The following RYR3 variants were observed in gnomAD, a reference collection of about 807,000 sequenced individuals.
RYR3 encodes ryanodine receptor 3, also known as brain ryanodine receptor-calcium release channel.
RYR3 carries 207 observed loss-of-function variants against 584.3 expected under a neutral mutation model. The ratio of observed to expected loss-of-function variants is 0.35; its 90% confidence interval spans 0.32 to 0.40. The LOEUF is 0.40. Ranked by LOEUF, RYR3 falls within the 10% of genes least tolerant of loss-of-function variation. The pLI is 1.00. For synonymous variants in RYR3, 2,416 were observed against 2,248.5 expected, an observed-to-expected ratio of 1.07 and a Z score of -2.11; for missense variants, 5,616 against 6,089.2, an observed-to-expected ratio of 0.92 and a Z score of 2.59.
chr15:33,397,400 A>G (rs973160122), intron 1 of RYR3, among the ~76,000 whole-genome samples: 1 of 152,234 alleles, frequency 6.6e-6, no homozygotes, highest in African/African-American at 2.4e-5. Context: ...TAACATTTCA[A>G]TGTCTTACAA....
In RYR3 at chr15:33,671,246, T is replaced by C. The variant is rs114219708; in HGVS notation, c.5860+690T>C. Among the ~76,000 whole-genome samples the C allele has an allele frequency of 9.9e-3, 1,506 of 152,306 alleles. 10 individuals carry two copies. Among genetic ancestry groups the C allele is most frequent in the Middle Eastern group, 0.054 (16 of 294 alleles). ...GGAAGATTGTCTTGTCTGAGTATTA[T>C]ATATAATCAGTCTACTCCTTGGTAC... is the stretch of plus-strand genomic sequence containing the variant. On this transcript the variant is annotated intron_variant, in intron 38 of 103. Coordinates refer to ENST00000634891, the MANE Select transcript of RYR3 (RefSeq NM_001036.6).
intron 60 of RYR3, among the ~76,000 whole-genome samples, chr15:33,763,649 T>C (rs1470023700): frequency 6.6e-6 from 1 of 151,970 alleles, no homozygotes; most frequent in East Asian, 1.9e-4. Context: ...ACCCAGCACT[T>C]TGGGGAGCCC....
chr15:33,396,500 A>G (rs1595962562), intron 1 of RYR3, among the ~76,000 whole-genome samples: 1 of 152,288 alleles, frequency 6.6e-6, no homozygotes, highest in South Asian at 2.1e-4. Context: ...TAATCTTCTC[A>G]ACTTTTCTGT....
At chr15:33,489,228 T>C (rs1316745625) in intron 2 of RYR3, among the ~76,000 whole-genome samples, 1 of 152,198 alleles carries the variant, frequency 6.6e-6, no homozygotes, top group African/African-American at 2.4e-5. Context: ...AACTTTTAAG[T>C]TCAGGGGTAC....
intron 38 of RYR3, among the ~76,000 whole-genome samples, chr15:33,692,752 G>A (rs1198994290): frequency 6.6e-6 from 1 of 152,036 alleles, no homozygotes; most frequent in Non-Finnish European, 1.5e-5. Flanking sequence ...ATGCTTTGAG[G>A]CTAAAAGGGT....
At chr15:33,558,329 G>A (rs1338832612) in intron 10 of RYR3, among the ~76,000 whole-genome samples, 1 of 147,580 alleles carries the variant, frequency 6.8e-6, no homozygotes, top group Non-Finnish European at 1.5e-5. Context: ...TCCCACCTAT[G>A]AGTGAGAACA....
intron 1 of RYR3, among the ~76,000 whole-genome samples, chr15:33,380,854 A>C (rs1355693688): frequency 6.6e-6 from 1 of 152,230 alleles, no homozygotes. Context: ...GATTTTGGTC[A>C]GTATCATGGC....
At chr15:33,828,617 A>C (rs1022414828) in intron 85 of RYR3, among the ~76,000 whole-genome samples, 4 of 152,216 alleles carry the variant, frequency 2.6e-5, no homozygotes, top group African/African-American at 9.6e-5. Flanking sequence ...CATAAGCCAC[A>C]ATCTAATCTA....
intron 3 of RYR3, among the ~76,000 whole-genome samples, chr15:33,524,673 C>CT (rs151031104): frequency 5.9e-5 from 9 of 151,996 alleles, no homozygotes; most frequent in Admixed American, 1.3e-4. Flanking sequence ...TAGCATTAAG[C>CT]TTTTTTTTCC....
At chr15:33,406,087 T>C (rs1166559887) in intron 1 of RYR3, among the ~76,000 whole-genome samples, 3 of 152,296 alleles carry the variant, frequency 2.0e-5, no homozygotes, top group South Asian at 2.1e-4. Context: ...CCAGTCTGAG[T>C]TACCTGCTAA....
At position 33,854,451 on chromosome 15, in the gene RYR3, T is replaced by TA. The variant is rs1597046786; in HGVS notation, c.13860+4dup. The stretch of plus-strand genomic sequence containing the variant: ...CTTGGAGTTGTTTTTACTGACAACG[T>TA]AAGTACTGCACCTGGAAAAACAAAA... On this transcript the variant is annotated splice_region_variant and intron_variant, in intron 97 of 103. Transcript: ENST00000634891. 1 of 1,568,374 alleles carries TA rather than the reference T, an allele frequency of 6.4e-7. No homozygotes were observed. The highest frequency in any genetic ancestry group is 8.7e-7 in the Non-Finnish European group (1 of 1,155,782).
intron 3 of RYR3, among the ~76,000 whole-genome samples, chr15:33,515,055 G>A (rs1376135052): frequency 6.6e-6 from 1 of 152,106 alleles, no homozygotes; most frequent in East Asian, 1.9e-4. Flanking sequence ...GATACATAAT[G>A]TACCTAGTTT....
At chr15:33,544,774 C>A (rs966080280) in intron 8 of RYR3, among the ~76,000 whole-genome samples, 1 of 152,080 alleles carries the variant, frequency 6.6e-6, no homozygotes, top group African/African-American at 2.4e-5. Context: ...CAGATGTGAC[C>A]CAGAAGGGTG....
chr15:33,752,322 G>C (rs1023461081), intron 57 of RYR3, among the ~76,000 whole-genome samples: 3 of 152,196 alleles, frequency 2.0e-5, no homozygotes, highest in South Asian at 2.1e-4. Flanking sequence ...ACTTTGGGCA[G>C]TATGGCCATT....
intron 2 of RYR3, among the ~76,000 whole-genome samples, chr15:33,495,832 G>A (rs929637209): frequency 6.6e-6 from 1 of 152,200 alleles, no homozygotes; most frequent in Non-Finnish European, 1.5e-5. Context: ...ATCTGGTTAA[G>A]ATGAGGTATA....
Position 33,830,996 on chromosome 15 carries a change from G to A in RYR3, c.11368G>A (p.Gly3790Arg). 1 of 1,613,630 alleles carries A rather than the reference G, an allele frequency of 6.2e-7. No homozygotes were observed. The highest frequency in any genetic ancestry group is 1.1e-5 in the South Asian group (1 of 91,044). Residue 3790 changes from glycine to arginine, a missense_variant, in exon 86 of 104, where the codon GGG becomes AGG. Transcript: ENST00000634891. ...SISDFYWYYS[G>R]KDIIDESGQH... is the part of the protein sequence containing the mutation. ...CAGTGATTTCTACTGGTATTATTCA[G>A]GGAAGGACATCATTGATGAATCTGG... is the stretch of plus-strand genomic sequence containing the variant.
chr15:33,467,481 G>A (rs1443376031), intron 1 of RYR3: 6 of 984,944 alleles, frequency 6.1e-6, no homozygotes, highest in Middle Eastern at 5.2e-4. Flanking sequence ...CTCAGGCTGC[G>A]AGCCAAGGTA....
At chr15:33,655,186 C>A (rs1475747819) in intron 32 of RYR3, among the ~76,000 whole-genome samples, 1 of 152,210 alleles carries the variant, frequency 6.6e-6, no homozygotes, top group Non-Finnish European at 1.5e-5. Flanking sequence ...CTCACAAAGC[C>A]AGGCTTTGAG....
chr15:33,586,158 C>G (rs752905951), intron 16 of RYR3, 42 bp downstream of exon 16: 1 of 1,122,294 alleles, frequency 8.9e-7, no homozygotes, highest in East Asian at 2.4e-5. Context: ...CCTGGTGTTT[C>G]CCTCCCCAAT....
Sources: gnomAD v4.1 joint callset for allele counts (sites outside exome capture counted in the v4.1 genomes callset) on GRCh38, gnomAD v4.1.1 for gene constraint, MANE v1.5 for transcripts, NCBI Gene and HGNC (gene_info 2026-07-23, HGNC 2026-07-21) for gene names.